The following MANBAL variants were observed in gnomAD, a reference collection of about 807,000 sequenced individuals.
MANBAL encodes protein MANBAL.
MANBAL carries 1 observed loss-of-function variant against 6.4 expected under a neutral mutation model. The ratio of observed to expected loss-of-function variants is 0.16; its 90% CI spans 0.06 to 0.74. The LOEUF (loss-of-function observed/expected upper bound fraction) is 0.74, where lower values mean the gene tolerates loss of function less well. Among genes scored for constraint, MANBAL ranks in the 30% least tolerant of loss-of-function variants. The pLI is 0.78. For missense variants in MANBAL, 100 were observed against 107.8 expected (o/e 0.93, Z 0.32); for synonymous variants, 47 against 45.8 (o/e 1.03, Z -0.10).
intron 2 of MANBAL, among the ~76,000 whole-genome samples, chr20:37,310,657 T>A (rs909560302): frequency 6.6e-6 from 1 of 152,232 alleles, no homozygotes; most frequent in African/African-American, 2.4e-5. Flanking sequence ...TATTTGGATC[T>A]GATGAATAGC....
At chr20:37,298,672 T>G (rs928702985) in intron 1 of MANBAL, 4 of 152,240 alleles carry the variant, frequency 2.6e-5, no homozygotes, top group African/African-American at 9.6e-5. Flanking sequence ...CTTAGTTGTT[T>G]CCATCTTTTG....
rs1222068111 is a variant in MANBAL, at chr20:37,296,879, C to G, written c.-56-4329C>G. 2.6e-5 allele frequency: 4 copies of G among 152,286 alleles called. No homozygotes were observed. The East Asian group carries it at 7.7e-4, about 29-fold the overall frequency. The allele number at this position is 152,286 out of a possible 1,614,324, so 9.4% of individuals were successfully genotyped here. A position where few individuals can be genotyped will look rare whatever the true frequency, so the allele number is the denominator to read the frequency against. On this transcript the variant is annotated intron_variant, in intron 1 of 2. Transcript: ENST00000373606. Reference sequence around the variant, plus strand: ...TATTAGCCCAAAGTGTAGCTACTTGCAGATAGAGCAGGGGCTTTTGTCCTC... The same window carrying G: ...TATTAGCCCAAAGTGTAGCTACTTGGAGATAGAGCAGGGGCTTTTGTCCTC...
rs372480505 is a variant in MANBAL at position 37,317,157 on chromosome 20, C to G, written c.*742C>G. 1 of 152,722 alleles carries G rather than the reference C, an allele frequency of 6.5e-6. No homozygotes were observed. Among genetic ancestry groups the G allele is most frequent in the Non-Finnish European group, 1.5e-5 (1 of 68,066 alleles). 9.5% of individuals were successfully genotyped at this position (152,722 alleles called of 1,614,324 possible). On this transcript the variant is annotated 3_prime_UTR_variant, in exon 3 of 3. Transcript: ENST00000373606. ...TAGCACGTTCAAGGTGTGCCTTTTA[C>G]TTCTACCTGTACATCCCCCATCCCT...
At chr20:37,291,736 C>A (rs1486748149) in intron 1 of MANBAL, among the ~76,000 whole-genome samples, 1 of 152,064 alleles carries the variant, frequency 6.6e-6, no homozygotes, top group Non-Finnish European at 1.5e-5. Context: ...ATGCTATTCT[C>A]CTGATAGTGA....
rs766186897 is a variant in MANBAL, at chr20:37,316,635, G to A, written c.*220G>A. ...GCTTCTGTGACGGTTTAGAGTCAAGGGGGCTGAAACACACTGTGAGCATAG... is the reference window on the plus strand; with the variant it reads ...GCTTCTGTGACGGTTTAGAGTCAAGAGGGCTGAAACACACTGTGAGCATAG... On this transcript the variant is annotated 3_prime_UTR_variant, in exon 3 of 3. Coordinates refer to ENST00000373606, the MANE Select transcript of MANBAL (RefSeq NM_001003897.2). 1 of 446,970 alleles carries A rather than the reference G, an allele frequency of 2.2e-6. No individual in the cohort carries two copies. The highest frequency in any genetic ancestry group is 4.1e-6 in the Non-Finnish European group (1 of 242,970). 27.7% of individuals were successfully genotyped at this position (446,970 alleles called of 1,614,324 possible). A position where few individuals can be genotyped will look rare whatever the true frequency, so the allele number is the denominator to read the frequency against.
chr20:37,316,376 G>C lies in MANBAL; in HGVS notation c.219G>C (p.Val73=), dbSNP rs373438613. 2.2e-5 allele frequency: 35 copies of C among 1,613,824 alleles called. No homozygotes were observed. In the East Asian group the frequency reaches 5.6e-4, roughly 26 times the overall value. The change falls in exon 3 of 3, where the codon GTG becomes GTC. Residue 73 remains valine (V), a synonymous_variant. Transcript: ENST00000373606. ...AGCCCAAGGCTGCTGTTCCTTCTGT[G>C]AACAAGAGGCCCAAGAAAGAGACTA... The part of the protein sequence containing the change: ...TRKPKAAVPS[V]NKRPKKETKK...
In MANBAL at chr20:37,293,466, G is replaced by A. The variant is rs113279528; in HGVS notation, c.-57+3780G>A. 6.6e-3 allele frequency among the ~76,000 whole-genome samples: 1,002 copies of A among 152,252 alleles called. 10 individuals are homozygous for A. The highest frequency in any genetic ancestry group is 0.023 in the African/African-American group (947 of 41,542). ...ATCTGATAGGAGGTGGAACTCAGAC[G>A]GTAATGTGAGTGATGGGGAGCGGCT... is the stretch of plus-strand genomic sequence containing the variant. On this transcript the variant is annotated intron_variant, in intron 1 of 2. Coordinates refer to ENST00000373606, the MANE Select transcript of MANBAL (RefSeq NM_001003897.2).
chr20:37,290,126 G>A (rs902590507), intron 1 of MANBAL, among the ~76,000 whole-genome samples: 3 of 152,218 alleles, frequency 2.0e-5, no homozygotes, highest in Non-Finnish European at 4.4e-5. Flanking sequence ...TGTACTGCGG[G>A]GTAAACCGAG....
chr20:37,311,974 C>T (rs571980472), intron 2 of MANBAL, among the ~76,000 whole-genome samples: 4 of 152,136 alleles, frequency 2.6e-5, no homozygotes, highest in Middle Eastern at 3.4e-3. Context: ...GTCTAGAGCC[C>T]GTTGGAAAGC....
intron 2 of MANBAL, among the ~76,000 whole-genome samples, chr20:37,310,814 G>T (rs2069369184): frequency 6.6e-6 from 1 of 152,186 alleles, no homozygotes; most frequent in Non-Finnish European, 1.5e-5. Context: ...GAGGAAACTT[G>T]AGGCTCGCTT....
chr20:37,295,384 C>G (rs1384182912), intron 1 of MANBAL, among the ~76,000 whole-genome samples: 1 of 152,212 alleles, frequency 6.6e-6, no homozygotes, highest in African/African-American at 2.4e-5. Flanking sequence ...CCAGCACATG[C>G]ATGCTCAGAT....
intron 2 of MANBAL, among the ~76,000 whole-genome samples, chr20:37,311,019 G>A (rs750664929): frequency 2.0e-5 from 3 of 152,184 alleles, no homozygotes; most frequent in Non-Finnish European, 4.4e-5. Flanking sequence ...CAGGTCATGT[G>A]GGTCACGGCC....
chr20:37,295,538 G>C (rs2068974347), intron 1 of MANBAL, among the ~76,000 whole-genome samples: 1 of 152,170 alleles, frequency 6.6e-6, no homozygotes, highest in Non-Finnish European at 1.5e-5. Flanking sequence ...TGGTTTTCCT[G>C]GCTCACTAAT....
intron 2 of MANBAL, among the ~76,000 whole-genome samples, chr20:37,306,610 C>T (rs1182668182): frequency 6.6e-6 from 1 of 152,190 alleles, no homozygotes; most frequent in Non-Finnish European, 1.5e-5. Context: ...ACACTTAATC[C>T]AAGCATTTTC....
At position 37,316,874 on chromosome 20, in the gene MANBAL, C is replaced by T. The variant is rs2069533809; in HGVS notation, c.*459C>T. 1 of 154,340 alleles carries T rather than the reference C, an allele frequency of 6.5e-6. No individual in the cohort carries two copies. The highest frequency in any genetic ancestry group is 6.5e-5 in the Admixed American group (1 of 15,346). The allele number at this position is 154,340 out of a possible 1,614,324, so 9.6% of individuals were successfully genotyped here. A position where few individuals can be genotyped will look rare whatever the true frequency, so the allele number is the denominator to read the frequency against. ...TTTGTTGCTGCTGTGTAGACAGAGCCAGGCCTCACCTGTTTGTTTAGGCCA... is the reference window on the plus strand; with the variant it reads ...TTTGTTGCTGCTGTGTAGACAGAGCTAGGCCTCACCTGTTTGTTTAGGCCA... On this transcript the variant is annotated 3_prime_UTR_variant, in exon 3 of 3. Coordinates refer to ENST00000373606, the MANE Select transcript of MANBAL (RefSeq NM_001003897.2).
At chr20:37,291,660 T>G (rs1009322333) in intron 1 of MANBAL, among the ~76,000 whole-genome samples, 4 of 152,184 alleles carry the variant, frequency 2.6e-5, no homozygotes, top group African/African-American at 9.7e-5. Context: ...GTAGCTCCCA[T>G]AATCCCCCCA....
Position 37,305,086 on chromosome 20 carries a change from A to T in MANBAL, c.150+3673A>T, listed in dbSNP as rs2069227005. 4.6e-5 allele frequency among the ~76,000 whole-genome samples: 7 copies of T among 152,280 alleles called. No homozygotes were observed. In the South Asian group the frequency reaches 1.5e-3, roughly 32 times the overall value. On this transcript the variant is annotated intron_variant, in intron 2 of 2. Transcript: ENST00000373606. ...TCGTGGCCTCTAGGTTGTCTTGTCCATCTCTTATTCTGGTATCTTGAGAAG... is the reference window on the plus strand; with the variant it reads ...TCGTGGCCTCTAGGTTGTCTTGTCCTTCTCTTATTCTGGTATCTTGAGAAG...
At chr20:37,299,660 A>C (rs989602265) in intron 1 of MANBAL, among the ~76,000 whole-genome samples, 8 of 152,188 alleles carry the variant, frequency 5.3e-5, no homozygotes, top group African/African-American at 1.9e-4. Context: ...GGGCAGAAGA[A>C]AGCCACTGAT....
chr20:37,289,898 C>T (rs1038475394), intron 1 of MANBAL, among the ~76,000 whole-genome samples: 26 of 152,250 alleles, frequency 1.7e-4, no homozygotes, highest in African/African-American at 5.8e-4. Context: ...AGGGCCTCGC[C>T]TGGGGCAGCC....
Sources: gnomAD v4.1 joint callset for allele counts (sites outside exome capture counted in the v4.1 genomes callset) on GRCh38, gnomAD v4.1.1 for gene constraint, MANE v1.5 for transcripts, NCBI Gene and HGNC (gene_info 2026-07-23, HGNC 2026-07-21) for gene names.